Variants in TBC1D17 observed in about 807,000 individuals in gnomAD.
TBC1D17 encodes the protein TBC1 domain family member 17.
In TBC1D17, 69 loss-of-function variants were observed where a neutral mutation model predicts 78.8. The ratio of observed to expected loss-of-function variants is 0.88; its 90% CI spans 0.72 to 1.07. The LOEUF (loss-of-function observed/expected upper bound fraction) is 1.07. TBC1D17 is among the 50% of genes least tolerant of loss of function. TBC1D17 has a pLI of 0.00. For missense variants in TBC1D17, 957 were observed against 861.0 expected (o/e 1.11, Z -1.39); for synonymous variants, 456 against 358.3 (o/e 1.27, Z -3.08).
chr19:49,885,074 C>G, intron 13 of TBC1D17: 1 of 349,294 alleles, frequency 2.9e-6, no homozygotes, highest in Non-Finnish European at 5.4e-6. Flanking sequence ...CCCCACCTGG[C>G]TGTGGCTCAC....
At chr19:49,882,545 T>C (rs1232077666) in intron 7 of TBC1D17, 145 bp downstream of exon 7, 12 of 1,378,598 alleles carry the variant, frequency 8.7e-6, no homozygotes, top group African/African-American at 1.5e-5. Context: ...AAAGCGCTCA[T>C]GGCTCTGCCA....
Position 49,882,904 on chromosome 19 carries a change from G to A in TBC1D17, c.927+12G>A, listed in dbSNP as rs769585670. On this transcript the variant is annotated intron_variant, in intron 8 of 16. Coordinates refer to ENST00000221543, the MANE Select transcript of TBC1D17 (RefSeq NM_024682.3). ...GGATCTTCTCGGGGGTGAGTGCCAG[G>A]ACAGGTGGAAGAATGGGGCAGGGCC... The A allele has an allele frequency of 2.5e-6, 4 of 1,601,410 alleles. No individual in the cohort carries two copies. Among genetic ancestry groups the A allele is most frequent in the Middle Eastern group, 1.7e-4 (1 of 5,958 alleles).
In TBC1D17 at chr19:49,884,749, G is replaced by A. The variant is rs750415950; in HGVS notation, c.1435G>A (p.Asp479Asn). Reference protein sequence around the residue: ...LLRVLDPLLCDFLDSQDSGSL... With the variant: ...LLRVLDPLLCNFLDSQDSGSL... ...GAGGGTGCTGGACCCCCTGCTCTGC[G>A]ACTTCCTGGGTATGTCTCTCGGGAG... The change falls in exon 13 of 17, where the codon GAC (aspartate) becomes AAC (asparagine). Residue 479 changes from aspartate (D) to asparagine (N), a missense_variant. Asp to Asn is a conservative substitution (Grantham distance 23). Transcript: ENST00000221543. 15 of 1,613,720 alleles carry A rather than the reference G, an allele frequency of 9.3e-6. No individual in the cohort carries two copies. In the South Asian group the frequency reaches 1.3e-4, roughly 14 times the overall value.
chr19:49,882,772 G>A lies in TBC1D17; in HGVS notation c.807G>A (p.Leu269=). Residue 269 remains leucine (L), a synonymous_variant, in exon 8 of 17, where the codon CTG becomes CTA. Coordinates refer to ENST00000221543, the MANE Select transcript of TBC1D17 (RefSeq NM_024682.3). ...PGFEVISCVE[L]GPRPTVERGP... Reference sequence around the variant, plus strand: ...TTGCTCTTTGCCTGCAGGTGGAGCTGGGGCCTCGGCCAACCGTGGAGCGGG... The same window carrying A: ...TTGCTCTTTGCCTGCAGGTGGAGCTAGGGCCTCGGCCAACCGTGGAGCGGG... 6.4e-7 allele frequency: 1 copy of A among 1,573,208 alleles called. No individual in the cohort carries two copies. Among genetic ancestry groups the A allele is most frequent in the East Asian group, 2.3e-5 (1 of 44,312 alleles).
intron 13 of TBC1D17, 197 bp from the exon 14 acceptor site, chr19:49,887,279 G>T: frequency 1.7e-6 from 1 of 592,540 alleles, no homozygotes; most frequent in Non-Finnish European, 3.0e-6. Flanking sequence ...AAGTATAATA[G>T]CACACTTCCT....
In TBC1D17 at chr19:49,884,377, C is replaced by T. The variant is rs1203186895; in HGVS notation, c.1243+8C>T. On this transcript the variant is annotated splice_region_variant and intron_variant, in intron 11 of 16. Coordinates refer to ENST00000221543, the MANE Select transcript of TBC1D17 (RefSeq NM_024682.3). ...TGTATCACTTCGACCTCGGTGGGTG[C>T]CAGGCCTGGGGACGGGCGTGGCCGG... is the stretch of plus-strand genomic sequence containing the variant. 3.7e-6 allele frequency: 6 copies of T among 1,613,890 alleles called. No homozygotes were observed. The highest frequency in any genetic ancestry group is 5.1e-6 in the Non-Finnish European group (6 of 1,179,808).
chr19:49,887,089 A>C, intron 13 of TBC1D17: 1 of 252,788 alleles, frequency 4.0e-6, no homozygotes, highest in South Asian at 4.4e-5. Context: ...CACCCGCCTC[A>C]CCCTCCCAAA....
At chr19:49,878,111 G>T (rs2074974957) in intron 1 of TBC1D17, 32 bp from the exon 2 acceptor site, 2 of 1,541,782 alleles carry the variant, frequency 1.3e-6, no homozygotes, top group African/African-American at 2.7e-5. Flanking sequence ...CCTCGCTTGG[G>T]CCCCAGCCCT....
chr19:49,878,830 G>A (rs534215574), intron 3 of TBC1D17: 6 of 480,830 alleles, frequency 1.2e-5, no homozygotes, highest in African/African-American at 1.2e-4. Flanking sequence ...TTGCTTCTTG[G>A]GAGATCCCTG....
In TBC1D17 at chr19:49,887,391, G is replaced by C. The variant is rs944213935; in HGVS notation, c.1445-85G>C. 2.9e-6 allele frequency: 4 copies of C among 1,393,942 alleles called. No homozygotes were observed. The East Asian group carries it at 9.6e-5, about 34-fold the overall frequency. The allele number at this position is 1,393,942 out of a possible 1,614,324, so 86.3% of individuals were successfully genotyped here. A position where few individuals can be genotyped will look rare whatever the true frequency, so the allele number is the denominator to read the frequency against. The stretch of plus-strand genomic sequence containing the variant: ...GGCATAAGTCACTTGCCTAGACTTG[G>C]GGAAGGTCTTCCAGTCAGGATGACT... On this transcript the variant is annotated intron_variant, in intron 13 of 16. Coordinates refer to ENST00000221543, the MANE Select transcript of TBC1D17 (RefSeq NM_024682.3).
In TBC1D17 at chr19:49,880,590, A is replaced by G. The variant is rs1336830894; in HGVS notation, c.319+188A>G. Among the ~76,000 whole-genome samples the G allele has an allele frequency of 2.6e-5, 4 of 152,254 alleles. No individual in the cohort carries two copies. The East Asian group carries it at 7.7e-4, about 29-fold the overall frequency. Reference sequence around the variant, plus strand: ...TGTCCCAGCCCAGGTCAACATGGCCAGTGTCTCTGAGACTGCAGCCTTGCT... The same window carrying G: ...TGTCCCAGCCCAGGTCAACATGGCCGGTGTCTCTGAGACTGCAGCCTTGCT... On this transcript the variant is annotated intron_variant, in intron 4 of 16. Coordinates refer to ENST00000221543, the MANE Select transcript of TBC1D17 (RefSeq NM_024682.3).
At chr19:49,888,365 C>T in intron 16 of TBC1D17, 48 bp downstream of exon 16, 3 of 1,548,728 alleles carry the variant, frequency 1.9e-6, no homozygotes, top group Non-Finnish European at 2.6e-6. Context: ...CCCGACCGAC[C>T]CCCGCCCCCT....
intron 13 of TBC1D17, among the ~76,000 whole-genome samples, chr19:49,886,113 C>G (rs893001292): frequency 6.6e-6 from 1 of 151,852 alleles, no homozygotes; most frequent in African/African-American, 2.4e-5. Flanking sequence ...AACCCCGTCT[C>G]TACTAAAAAT....
At chr19:49,886,963 T>A in intron 13 of TBC1D17, 1 of 171,014 alleles carries the variant, frequency 5.8e-6, no homozygotes, top group South Asian at 1.4e-4. Context: ...CCCAGCTAAT[T>A]TTTGTATTTT....
In TBC1D17 at chr19:49,878,149, T is replaced by G. The variant is rs769982618; in HGVS notation, c.28T>G (p.Phe10Val). Residue 10 changes from phenylalanine (F) to valine (V), a missense_variant, in exon 2 of 17, where the codon TTT (phenylalanine) becomes GTT (valine). Physicochemically the swap from Phe to Val is conservative, Grantham distance 50. Coordinates refer to ENST00000221543, the MANE Select transcript of TBC1D17 (RefSeq NM_024682.3). ...CTGGTTCCCCCCAACTCAGGTGGTG[T>G]TTGAGAAGGGCGGAGTGTACCTGCA... is the stretch of plus-strand genomic sequence containing the variant. MEGAGYRVVFEKGGVYLHTS... is the reference protein window; with the variant it reads MEGAGYRVVVEKGGVYLHTS... 47 of 1,577,210 alleles carry G rather than the reference T, an allele frequency of 3.0e-5. No homozygotes were observed. Among genetic ancestry groups the G allele is most frequent in the East Asian group, 2.8e-4 (12 of 42,256 alleles).
rs1425104771 is a variant in TBC1D17 at position 49,878,184 on chromosome 19, T to C, written c.63T>C (p.Ala21=). The C allele has an allele frequency of 2.5e-6, 4 of 1,576,010 alleles. No homozygotes were observed. The highest frequency in any genetic ancestry group is 3.4e-6 in the Non-Finnish European group (4 of 1,161,194). The change falls in exon 2 of 17, where the codon GCT becomes GCC. Residue 21 remains alanine (A), a synonymous_variant. Transcript: ENST00000221543. ...GCGGAGTGTACCTGCACACCAGCGCTAAGAAGTATCAGGACCGAGACTCTC... is the reference window on the plus strand; with the variant it reads ...GCGGAGTGTACCTGCACACCAGCGCCAAGAAGTATCAGGACCGAGACTCTC... ...EKGGVYLHTS[A]KKYQDRDSLI...
chr19:49,888,533 C>T lies in TBC1D17; in HGVS notation c.1856C>T (p.Pro619Leu). The T allele has an allele frequency of 6.5e-7, 1 of 1,534,732 alleles. No homozygotes were observed. Among genetic ancestry groups the T allele is most frequent in the Non-Finnish European group, 8.7e-7 (1 of 1,143,960 alleles). Reference sequence around the variant, plus strand: ...CCTCTGTCGCCCACCCGGGCCCCGCCCACCCCGCCGCCCTCCACGGACACA... The same window carrying T: ...CCTCTGTCGCCCACCCGGGCCCCGCTCACCCCGCCGCCCTCCACGGACACA... ...PLPLSPTRAP[P>L]TPPPSTDTAP... The change falls in exon 17 of 17, where the codon CCC becomes CTC. Residue 619 changes from proline to leucine, a missense_variant. Pro to Leu is a moderately conservative substitution (Grantham distance 98, BLOSUM62 -3). Transcript: ENST00000221543.
chr19:49,878,686 ACCCT>A (rs1370139912), intron 3 of TBC1D17, 114 bp downstream of exon 3: 2 of 1,008,166 alleles, frequency 2.0e-6, no homozygotes, highest in East Asian at 5.0e-5. Flanking sequence ...GGCATGTGTG[ACCCT>A]GTTTAGGCTT....
At chr19:49,887,243 C>T (rs1242176595) in intron 13 of TBC1D17, 1 of 536,044 alleles carries the variant, frequency 1.9e-6, no homozygotes, top group Non-Finnish European at 3.4e-6. Context: ...CGTCCTGCCT[C>T]CCTTCCATGT....
Sources: allele counts gnomAD v4.1 joint callset (sites outside exome capture counted in the v4.1 genomes callset), GRCh38; gene constraint gnomAD v4.1.1; transcripts MANE v1.5; gene names NCBI Gene and HGNC (gene_info 2026-07-23, HGNC 2026-07-21).